LRRTM4: variants seen among roughly 807,000 people sequenced by gnomAD.
LRRTM4 encodes the protein leucine-rich repeat transmembrane neuronal protein 4.
Under a neutral mutation model 47.6 loss-of-function variants are expected in LRRTM4, and 25 were observed. That is an observed-to-expected ratio of 0.53 (90% CI 0.38 to 0.73). LRRTM4 has a LOEUF of 0.73. Ranked by LOEUF, LRRTM4 falls within the 30% of genes least tolerant of loss-of-function variation. The probability of loss-of-function intolerance (pLI) is 0.00; values close to 1 mark genes in which losing one functional copy is unlikely to be tolerated. For synonymous variants in LRRTM4, 311 were observed against 269.5 expected (o/e 1.15, Z -1.51); for missense variants, 638 against 713.4 (o/e 0.89, Z 1.20).
At chr2:77,219,201 T>C (rs1674548097) in intron 3 of LRRTM4, among the ~76,000 whole-genome samples, 1 of 152,190 alleles carries the variant, frequency 6.6e-6, no homozygotes, top group Non-Finnish European at 1.5e-5. Flanking sequence ...AACTATAAAT[T>C]CTTCCATGAA....
At chr2:77,163,918 C>T (rs1306475515) in intron 3 of LRRTM4, among the ~76,000 whole-genome samples, 1 of 152,074 alleles carries the variant, frequency 6.6e-6, no homozygotes, top group African/African-American at 2.4e-5. Flanking sequence ...GCAAAATAAC[C>T]AGCTAACATC....
intron 3 of LRRTM4, among the ~76,000 whole-genome samples, chr2:77,090,925 C>T (rs1396567894): frequency 1.3e-5 from 2 of 151,966 alleles, no homozygotes; most frequent in South Asian, 2.1e-4. Flanking sequence ...GGAAGGTAAG[C>T]CCATCCCCTT....
At chr2:77,012,826 T>C (rs1043086802) in intron 3 of LRRTM4, among the ~76,000 whole-genome samples, 4 of 152,174 alleles carry the variant, frequency 2.6e-5, no homozygotes, top group African/African-American at 9.7e-5. Flanking sequence ...ATTGCTTTGC[T>C]GGTTAAGCCT....
At chr2:77,206,834 A>G (rs1273917025) in intron 3 of LRRTM4, among the ~76,000 whole-genome samples, 1 of 152,054 alleles carries the variant, frequency 6.6e-6, no homozygotes, top group Non-Finnish European at 1.5e-5. Flanking sequence ...AAAATCCTCT[A>G]AATGATTTTG....
intron 3 of LRRTM4, among the ~76,000 whole-genome samples, chr2:77,240,004 A>G (rs1675212853): frequency 6.6e-6 from 1 of 151,926 alleles, no homozygotes; most frequent in Non-Finnish European, 1.5e-5. Context: ...ATGCACATGT[A>G]ACATCTATCA....
Position 77,090,602 on chromosome 2 carries a change from C to G in LRRTM4, c.1552-341686G>C, listed in dbSNP as rs568437769. Among the ~76,000 whole-genome samples the G allele has an allele frequency of 7.2e-5, 11 of 152,298 alleles. No homozygotes were observed. The South Asian group carries it at 2.3e-3, about 32-fold the overall frequency. ...ACACAAGAACTTCCAAACGCCTGAA[C>G]CGCAGTGGCCAGACCTTCCTCCAGA... On this transcript the variant is annotated intron_variant, in intron 3 of 3. Coordinates refer to ENST00000409884, the MANE Select transcript of LRRTM4 (RefSeq NM_001134745.3).
chr2:76,967,517 G>C (rs1471256053), intron 3 of LRRTM4, among the ~76,000 whole-genome samples: 1 of 151,502 alleles, frequency 6.6e-6, no homozygotes, highest in Non-Finnish European at 1.5e-5. Context: ...TGAAATGTGG[G>C]TTTGGGGCTT....
At chr2:76,935,543 G>T (rs1573335653) in intron 3 of LRRTM4, among the ~76,000 whole-genome samples, 1 of 152,044 alleles carries the variant, frequency 6.6e-6, no homozygotes, top group Non-Finnish European at 1.5e-5. Context: ...GTGGTTTGTA[G>T]TTCTCCTTGA....
At chr2:77,451,326 T>A (rs1047056578) in intron 3 of LRRTM4, among the ~76,000 whole-genome samples, 1 of 152,226 alleles carries the variant, frequency 6.6e-6, no homozygotes, top group Non-Finnish European at 1.5e-5. Context: ...TCCTGCTCAA[T>A]GCCTATAAAA....
Position 77,519,968 on chromosome 2 carries a change from C to A in LRRTM4, c.5-104G>T. 7.0e-7 allele frequency: 1 copy of A among 1,437,346 alleles called. No individual in the cohort carries two copies. The highest frequency in any genetic ancestry group is 1.5e-5 in the South Asian group (1 of 66,040). The allele number at this position is 1,437,346 out of a possible 1,614,324, so 89.0% of individuals were successfully genotyped here. On this transcript the variant is annotated intron_variant, in intron 2 of 3. Coordinates refer to ENST00000409884, the MANE Select transcript of LRRTM4 (RefSeq NM_001134745.3). This position sits in a 1 kb window ranked among gnomAD's most constrained non-coding sequence, Gnocchi z 4.6. Reference sequence around the variant, plus strand: ...CATTTCCTCTAGTGTAGGAATGGGACAGTTGATTTAAGGAAAATGCATTAA... The same window carrying A: ...CATTTCCTCTAGTGTAGGAATGGGAAAGTTGATTTAAGGAAAATGCATTAA...
chr2:77,336,890 C>T (rs551684654), intron 3 of LRRTM4, among the ~76,000 whole-genome samples: 2 of 151,940 alleles, frequency 1.3e-5, no homozygotes, highest in East Asian at 3.9e-4. Flanking sequence ...GACAATGAAC[C>T]AAAAGACATC....
chr2:76,865,241 C>T (rs762474271), intron 3 of LRRTM4, among the ~76,000 whole-genome samples: 1 of 152,160 alleles, frequency 6.6e-6, no homozygotes, highest in Non-Finnish European at 1.5e-5. Flanking sequence ...CTGATACTCA[C>T]TTCACATATA....
intron 3 of LRRTM4, among the ~76,000 whole-genome samples, chr2:76,925,820 T>C (rs981404764): frequency 2.0e-5 from 3 of 152,170 alleles, no homozygotes; most frequent in Admixed American, 6.6e-5. Flanking sequence ...TGTCATAATA[T>C]GTTAGAACTA....
chr2:76,786,860 C>G (rs562598155), intron 3 of LRRTM4, among the ~76,000 whole-genome samples: 1 of 126,320 alleles, frequency 7.9e-6, no homozygotes, highest in Admixed American at 8.2e-5. Flanking sequence ...TGTTTCTTTT[C>G]TTTGTGCTAA....
chr2:77,060,760 A>G (rs1679760257), intron 3 of LRRTM4, among the ~76,000 whole-genome samples: 1 of 152,090 alleles, frequency 6.6e-6, no homozygotes, highest in Non-Finnish European at 1.5e-5. Context: ...TTAAGATGCA[A>G]CCTATGTCTC....
intron 3 of LRRTM4, among the ~76,000 whole-genome samples, chr2:77,320,196 T>C (rs1391955369): frequency 6.6e-6 from 1 of 152,004 alleles, no homozygotes; most frequent in Non-Finnish European, 1.5e-5. Context: ...AAGTCAAAAA[T>C]GAAAGATAAA....
intron 3 of LRRTM4, among the ~76,000 whole-genome samples, chr2:77,083,275 T>A (rs2103861177): frequency 6.6e-6 from 1 of 152,272 alleles, no homozygotes; most frequent in Non-Finnish European, 1.5e-5. Flanking sequence ...GTGCAAAGGA[T>A]CTCAGTAAGT....
chr2:76,810,685 ACTTC>A (rs910285488), intron 3 of LRRTM4, among the ~76,000 whole-genome samples: 1 of 152,120 alleles, frequency 6.6e-6, no homozygotes, highest in Non-Finnish European at 1.5e-5. Context: ...CTGTAACTTA[ACTTC>A]CTTATTTAGT....
At chr2:76,790,035 C>T (rs1280410352) in intron 3 of LRRTM4, among the ~76,000 whole-genome samples, 2 of 152,132 alleles carry the variant, frequency 1.3e-5, no homozygotes, top group Admixed American at 6.6e-5. Context: ...TAAATGTTCC[C>T]TCTTGTTCAT....
Sources: gnomAD v4.1 joint callset for allele counts (sites outside exome capture counted in the v4.1 genomes callset) on GRCh38, gnomAD v4.1.1 for gene constraint, Gnocchi (gnomAD v3.1) non-coding constraint, MANE v1.5 for transcripts, NCBI Gene and HGNC (gene_info 2026-07-23, HGNC 2026-07-21) for gene names.